The following SCN8A variants were observed in gnomAD, a reference collection of about 807,000 sequenced individuals.
SCN8A encodes the protein sodium channel protein type 8 subunit alpha.
A neutral mutation model predicts 184.1 loss-of-function variants in SCN8A; 30 were observed. The observed-to-expected ratio is 0.16, with a 90% CI of 0.12 to 0.22. The LOEUF (loss-of-function observed/expected upper bound fraction) is 0.22, where lower values mean the gene tolerates loss of function less well. SCN8A is among the 10% of genes least tolerant of loss of function. The pLI is 1.00. For synonymous variants in SCN8A, 852 were observed against 907.0 expected, an observed-to-expected ratio of 0.94 and a Z score of 1.09; for missense variants, 1,057 against 2,498.9, an observed-to-expected ratio of 0.42 and a Z score of 12.30.
chr12:51,771,944 T>G (rs1452296668), intron 19 of SCN8A, among the ~76,000 whole-genome samples: 1 of 152,238 alleles, frequency 6.6e-6, no homozygotes, highest in Non-Finnish European at 1.5e-5. Context: ...GCTCTTCTCT[T>G]TCCCATCTCT....
intron 12 of SCN8A, among the ~76,000 whole-genome samples, chr12:51,739,819 A>T (rs1448387877): frequency 6.6e-6 from 1 of 152,240 alleles, no homozygotes; most frequent in East Asian, 1.9e-4. Flanking sequence ...TTAAAGACAC[A>T]CACACACAGA....
chr12:51,637,895 G>A (rs373641634), intron 1 of SCN8A, among the ~76,000 whole-genome samples: 3 of 152,282 alleles, frequency 2.0e-5, no homozygotes, highest in East Asian at 3.9e-4. Context: ...CTAGAGAGGA[G>A]AAGTCAATTC....
At chr12:51,742,523 C>G (rs1252987772) in intron 12 of SCN8A, among the ~76,000 whole-genome samples, 1 of 151,524 alleles carries the variant, frequency 6.6e-6, no homozygotes, top group Non-Finnish European at 1.5e-5. Flanking sequence ...TTACCACTTT[C>G]TCCTAGCCTG....
chr12:51,650,292 C>G (rs1940679999), intron 1 of SCN8A, among the ~76,000 whole-genome samples: 2 of 152,174 alleles, frequency 1.3e-5, no homozygotes, highest in South Asian at 2.1e-4. Flanking sequence ...CTGCTCCCAT[C>G]TCTGCCTGTT....
intron 12 of SCN8A, among the ~76,000 whole-genome samples, chr12:51,744,714 G>A (rs1036488476): frequency 5.3e-5 from 8 of 151,578 alleles, no homozygotes; most frequent in Admixed American, 5.3e-4. Flanking sequence ...TGAGTAGCTG[G>A]GACTACAGGC....
chr12:51,688,947 G>A, intron 5 of SCN8A, 58 bp from the exon 6 acceptor site: 1 of 1,576,230 alleles, frequency 6.3e-7, no homozygotes, highest in East Asian at 2.2e-5. Context: ...TTCCTTTGGT[G>A]TTTGTGTTTG....
chr12:51,657,631 T>C (rs1940847778), intron 1 of SCN8A, among the ~76,000 whole-genome samples: 1 of 152,182 alleles, frequency 6.6e-6, no homozygotes, highest in Non-Finnish European at 1.5e-5. Flanking sequence ...TTTAGTTTGA[T>C]ATAATCCCAT....
Position 51,652,907 on chromosome 12 carries a change from T to C in SCN8A, c.-54-9857T>C, listed in dbSNP as rs76578984. The stretch of plus-strand genomic sequence containing the variant: ...AGGTCCTTTGAAGGCAGGAGTGAGC[T>C]ATTATTCATCAGAGTATCATTTATG... On this transcript the variant is annotated intron_variant, in intron 1 of 26. Coordinates refer to ENST00000627620, the MANE Select transcript of SCN8A (RefSeq NM_001330260.2). Among the ~76,000 whole-genome samples, 850 of 152,362 alleles carry C rather than the reference T, an allele frequency of 5.6e-3. 4 individuals are homozygous for C. The highest frequency in any genetic ancestry group is 0.019 in the African/African-American group (789 of 41,586).
At chr12:51,658,163 T>C (rs1007688449) in intron 1 of SCN8A, among the ~76,000 whole-genome samples, 6 of 152,164 alleles carry the variant, frequency 3.9e-5, no homozygotes, top group Non-Finnish European at 7.4e-5. Context: ...ATTTCATTGG[T>C]ATTTTGATAA....
intron 1 of SCN8A, among the ~76,000 whole-genome samples, chr12:51,647,900 T>C (rs930348361): frequency 6.6e-6 from 1 of 152,220 alleles, no homozygotes; most frequent in African/African-American, 2.4e-5. Context: ...CCAAATGAGC[T>C]ATATATCAAC....
At chr12:51,603,408 A>G (rs1383150006) in intron 1 of SCN8A, among the ~76,000 whole-genome samples, 2 of 152,198 alleles carry the variant, frequency 1.3e-5, no homozygotes, top group Non-Finnish European at 2.9e-5. Flanking sequence ...TATACATTGT[A>G]TATAACAGTT....
At chr12:51,601,749 G>A (rs914204531) in intron 1 of SCN8A, among the ~76,000 whole-genome samples, 7 of 151,862 alleles carry the variant, frequency 4.6e-5, no homozygotes, top group Non-Finnish European at 8.8e-5. Flanking sequence ...TGCCTTGCTG[G>A]TTCCAGTGGT....
intron 1 of SCN8A, among the ~76,000 whole-genome samples, chr12:51,601,888 A>G (rs541904820): frequency 7.0e-6 from 1 of 143,794 alleles, no homozygotes; most frequent in Non-Finnish European, 1.5e-5. Context: ...TTTAAGAGCA[A>G]TGCATTTAAT....
chr12:51,692,303 T>C (rs1941524296), intron 6 of SCN8A, among the ~76,000 whole-genome samples: 1 of 152,166 alleles, frequency 6.6e-6, no homozygotes, highest in African/African-American at 2.4e-5. Context: ...ATACTGTCCT[T>C]CCTCTTTGTG....
At chr12:51,693,839 G>A (rs1172052909) in intron 6 of SCN8A, among the ~76,000 whole-genome samples, 2 of 152,102 alleles carry the variant, frequency 1.3e-5, no homozygotes, top group Admixed American at 6.5e-5. Flanking sequence ...AACTTTGTAG[G>A]GGAATTAGCT....
intron 16 of SCN8A, among the ~76,000 whole-genome samples, chr12:51,767,683 T>C (rs954854245): frequency 6.6e-6 from 1 of 152,102 alleles, no homozygotes; most frequent in South Asian, 2.1e-4. Context: ...ATCTTTAGAG[T>C]AGGCTAAGGA....
chr12:51,792,533 G>A (rs1415703082), intron 25 of SCN8A, among the ~76,000 whole-genome samples: 1 of 150,858 alleles, frequency 6.6e-6, no homozygotes, highest in Non-Finnish European at 1.5e-5. Flanking sequence ...AAAGAGCTGG[G>A]GAAAGAGATT....
intron 3 of SCN8A, among the ~76,000 whole-genome samples, 155 bp downstream of exon 3, chr12:51,684,447 C>T (rs1941387223): frequency 6.6e-6 from 1 of 152,194 alleles, no homozygotes; most frequent in African/African-American, 2.4e-5. Flanking sequence ...ACTCCTGCCA[C>T]ATCCCAAGCT....
rs1261942616 is a variant in SCN8A at position 51,811,138 on chromosome 12, T to TA, written c.*3710dup. The TA allele has an allele frequency of 6.6e-6, 1 of 152,208 alleles. No individual in the cohort carries two copies. The highest frequency in any genetic ancestry group is 1.5e-5 in the Non-Finnish European group (1 of 68,040). The allele number at this position is 152,208 out of a possible 1,614,324, so 9.4% of individuals were successfully genotyped here. A position where few individuals can be genotyped will look rare whatever the true frequency, so the allele number is the denominator to read the frequency against. Reference sequence around the variant, plus strand: ...TGTCTTGGTGTGTTTGTTGCTTGACTATCCCAATTCTTGAGTCCTGGGAGG... The same window carrying TA: ...TGTCTTGGTGTGTTTGTTGCTTGACTAATCCCAATTCTTGAGTCCTGGGAGG... On this transcript the variant is annotated 3_prime_UTR_variant, in exon 27 of 27. Transcript: ENST00000627620.
Sources: gnomAD v4.1 joint callset for allele counts (sites outside exome capture counted in the v4.1 genomes callset) on GRCh38, gnomAD v4.1.1 for gene constraint, MANE v1.5 for transcripts, NCBI Gene and HGNC (gene_info 2026-07-23, HGNC 2026-07-21) for gene names.